The following PNPLA3 variants were observed in gnomAD, a reference collection of about 807,000 sequenced individuals.
The protein encoded by PNPLA3 is patatin like domain 3, 1-acylglycerol-3-phosphate O-acyltransferase.
Under a neutral mutation model 43.1 loss-of-function variants are expected in PNPLA3, and 42 were observed. That is an observed-to-expected ratio of 0.97 (90% CI 0.76 to 1.26). The LOEUF (loss-of-function observed/expected upper bound fraction) is 1.26. Among genes scored for constraint, PNPLA3 ranks in the 50% most tolerant of loss-of-function variants. The probability of loss-of-function intolerance (pLI) is 0.00; values close to 1 mark genes in which losing one functional copy is unlikely to be tolerated. For synonymous variants in PNPLA3, 272 were observed against 253.6 expected (o/e 1.07, Z -0.69); for missense variants, 647 against 621.4 (o/e 1.04, Z -0.44).
intron 4 of PNPLA3, among the ~76,000 whole-genome samples, chr22:43,933,938 C>T (rs1162070428): frequency 6.6e-6 from 1 of 152,180 alleles, no homozygotes; most frequent in Non-Finnish European, 1.5e-5. Context: ...GTAGAGGAGA[C>T]AGCTCTTATT....
intron 7 of PNPLA3, among the ~76,000 whole-genome samples, chr22:43,942,698 T>TTTC (rs1190725607): frequency 7.2e-6 from 1 of 138,338 alleles, no homozygotes; most frequent in African/African-American, 2.7e-5. Context: ...CATTTTCTTT[T>TTTC]TTCTTTTTTT....
rs982328520 is a variant in PNPLA3 at position 43,924,316 on chromosome 22, G to T, written c.187+218G>T. The stretch of plus-strand genomic sequence containing the variant: ...GGCGTTGGAACCCCGAGCGGTCCGG[G>T]CCGAAGCCTGGGACTCTCGTGCGTC... On this transcript the variant is annotated intron_variant, in intron 1 of 8. Coordinates refer to ENST00000216180, the MANE Select transcript of PNPLA3 (RefSeq NM_025225.3). 5.2e-6 allele frequency: 3 copies of T among 572,968 alleles called. No homozygotes were observed. The African/African-American group carries it at 6.0e-5, about 11-fold the overall frequency. 35.5% of individuals were successfully genotyped at this position (572,968 alleles called of 1,614,324 possible).
chr22:43,924,631 G>C (rs1001716490), intron 1 of PNPLA3, among the ~76,000 whole-genome samples: 1 of 151,998 alleles, frequency 6.6e-6, no homozygotes, highest in African/African-American at 2.4e-5. Flanking sequence ...CCCCGCGCCT[G>C]CGCTTTTCTT....
rs1192862099 is a variant in PNPLA3, at chr22:43,934,624, C to A, written c.715C>A (p.Leu239Ile). ...CTCACAGGTGCTGGGAGAGATATGC[C>A]TTCGAGGATATTTGGATGCATTCAG... ...PDLKVLGEICLRGYLDAFRFL... is the reference protein window; with the variant it reads ...PDLKVLGEICIRGYLDAFRFL... The change falls in exon 5 of 9, where the codon CTT (leucine) becomes ATT (isoleucine). Residue 239 changes from leucine (L) to isoleucine (I), a missense_variant. Transcript: ENST00000216180. 6.2e-7 allele frequency: 1 copy of A among 1,613,934 alleles called. No homozygotes were observed.
chr22:43,944,453 G>GT (rs896190125), intron 7 of PNPLA3, among the ~76,000 whole-genome samples: 22 of 151,210 alleles, frequency 1.5e-4, no homozygotes, highest in African/African-American at 3.6e-4. Context: ...AAGCCAAGGT[G>GT]TTTTTTTTTC....
intron 4 of PNPLA3, 136 bp downstream of exon 4, chr22:43,933,223 G>T (rs2049973284): frequency 3.6e-6 from 3 of 838,738 alleles, no homozygotes; most frequent in Non-Finnish European, 5.5e-6. Flanking sequence ...GAAATAAAAG[G>T]CGCTTGTCCC....
chr22:43,925,193 C>T (rs1166394203), intron 1 of PNPLA3, among the ~76,000 whole-genome samples: 1 of 152,152 alleles, frequency 6.6e-6, no homozygotes, highest in Non-Finnish European at 1.5e-5. Context: ...CTAGGCCCAC[C>T]CTCCCCTCTC....
intron 6 of PNPLA3, chr22:43,939,537 GGGCGCGGT>G (rs1246888287): frequency 2.1e-5 from 13 of 622,458 alleles, no homozygotes; most frequent in Admixed American, 5.3e-5. Flanking sequence ...AGCCTGGGCC[GGGCGCGGT>G]GGCTTACACC....
chr22:43,933,012 C>CCT lies in PNPLA3; in HGVS notation c.621_622insCT (p.Thr208LeufsTer56). The CCT allele has an allele frequency of 6.2e-7, 1 of 1,614,206 alleles. No individual in the cohort carries two copies. Among genetic ancestry groups the CCT allele is most frequent in the Non-Finnish European group, 8.5e-7 (1 of 1,180,020 alleles). The stretch of plus-strand genomic sequence containing the variant: ...CCACGAACTTTCTTCATGTGGACAT[C>CCT]ACCAAGCTCAGTCTACGCCTCTGCA... On this transcript the variant is annotated frameshift_variant, in exon 4 of 9. Transcript: ENST00000216180. LOFTEE classifies it high-confidence loss of function.
chr22:43,940,466 C>T (rs2050024156), intron 7 of PNPLA3, among the ~76,000 whole-genome samples: 1 of 152,194 alleles, frequency 6.6e-6, no homozygotes, highest in Non-Finnish European at 1.5e-5. Context: ...AGTAGAAGGG[C>T]CAGGCCTAGA....
At chr22:43,940,661 T>A (rs1284442751) in intron 7 of PNPLA3, among the ~76,000 whole-genome samples, 1 of 150,792 alleles carries the variant, frequency 6.6e-6, no homozygotes, top group Non-Finnish European at 1.5e-5. Context: ...ATACAAAAAT[T>A]AGTGGAGCAT....
chr22:43,927,919 C>T (rs1210517974), intron 2 of PNPLA3, among the ~76,000 whole-genome samples: 4 of 152,204 alleles, frequency 2.6e-5, no homozygotes, highest in Non-Finnish European at 4.4e-5. Flanking sequence ...TGGCTCATGA[C>T]CGTCCAGTCC....
At chr22:43,931,533 G>A (rs1171900450) in intron 3 of PNPLA3, among the ~76,000 whole-genome samples, 1 of 152,032 alleles carries the variant, frequency 6.6e-6, no homozygotes, top group Non-Finnish European at 1.5e-5. Context: ...TTTGTTTTTT[G>A]AGACAGAGTC....
At chr22:43,929,183 T>C (rs2049945350) in intron 3 of PNPLA3, among the ~76,000 whole-genome samples, 1 of 152,168 alleles carries the variant, frequency 6.6e-6, no homozygotes, top group African/African-American at 2.4e-5. Context: ...CTAGTTAAAC[T>C]ATATGATGTT....
chr22:43,926,395 C>T (rs574662727), intron 1 of PNPLA3, among the ~76,000 whole-genome samples: 2 of 150,784 alleles, frequency 1.3e-5, no homozygotes, highest in Admixed American at 6.6e-5. Flanking sequence ...AGATCTCCTG[C>T]ACCTGATAGC....
In PNPLA3 at chr22:43,946,729, C is replaced by T. The variant is rs41278869; in HGVS notation, c.*347C>T. 106 of 538,026 alleles carry T rather than the reference C, an allele frequency of 2.0e-4. No individual in the cohort carries two copies. The highest frequency in any genetic ancestry group is 3.5e-4 in the Non-Finnish European group (96 of 274,010). The allele number at this position is 538,026 out of a possible 1,614,324, so 33.3% of individuals were successfully genotyped here. A position where few individuals can be genotyped will look rare whatever the true frequency, so the allele number is the denominator to read the frequency against. On this transcript the variant is annotated 3_prime_UTR_variant, in exon 9 of 9. Coordinates refer to ENST00000216180, the MANE Select transcript of PNPLA3 (RefSeq NM_025225.3). ...TGACAGGTGTTTGGATGGGTGGGGGCCTTGTGATGGGGGGTAGGCTGGCCC... is the reference window on the plus strand; with the variant it reads ...TGACAGGTGTTTGGATGGGTGGGGGTCTTGTGATGGGGGGTAGGCTGGCCC...
At chr22:43,941,148 C>CAAAAAA (rs577344067) in intron 7 of PNPLA3, among the ~76,000 whole-genome samples, 14 of 79,856 alleles carry the variant, frequency 1.8e-4, no homozygotes, top group East Asian at 3.9e-4. Flanking sequence ...AACTCCGACT[C>CAAAAAA]AAAAAAAAAA....
In PNPLA3 at chr22:43,946,476, C is replaced by T; in HGVS notation, c.*94C>T. ...CCTCCGCATTGCTGTGTAGTGACCC[C>T]TGCCTGTGACGTGGAGGATCCCAGC... On this transcript the variant is annotated 3_prime_UTR_variant, in exon 9 of 9. Transcript: ENST00000216180. 8.2e-7 allele frequency: 1 copy of T among 1,220,900 alleles called. No individual in the cohort carries two copies. The highest frequency in any genetic ancestry group is 1.2e-6 in the Non-Finnish European group (1 of 835,816). 75.6% of individuals were successfully genotyped at this position (1,220,900 alleles called of 1,614,324 possible).
At chr22:43,924,546 C>T (rs1603415510) in intron 1 of PNPLA3, among the ~76,000 whole-genome samples, 1 of 152,332 alleles carries the variant, frequency 6.6e-6, no homozygotes, top group East Asian at 1.9e-4. Flanking sequence ...TTGCCCTGGG[C>T]CGGACAAAGA....
Sources: allele counts gnomAD v4.1 joint callset (sites outside exome capture counted in the v4.1 genomes callset), GRCh38; gene constraint gnomAD v4.1.1; transcripts MANE v1.5; gene names NCBI Gene and HGNC (gene_info 2026-07-23, HGNC 2026-07-21).